The following FBXO36 variants were observed in gnomAD, a reference collection of about 807,000 sequenced individuals.
FBXO36 encodes F-box only protein 36.
In FBXO36, 18 loss-of-function variants were observed where a neutral mutation model predicts 17.0. That is an observed-to-expected ratio of 1.06 (90% CI 0.73 to 1.57). The LOEUF is 1.57. FBXO36 is among the 40% of genes most tolerant of loss of function. The pLI is 0.00. For missense variants in FBXO36, 229 were observed against 221.9 expected (o/e 1.03, Z -0.20); for synonymous variants, 83 against 85.3 (o/e 0.97, Z 0.15).
At chr2:230,010,257 A>G (rs1216003183) in intron 3 of FBXO36, among the ~76,000 whole-genome samples, 1 of 152,218 alleles carries the variant, frequency 6.6e-6, no homozygotes, top group Non-Finnish European at 1.5e-5. Flanking sequence ...GCAAAACTCC[A>G]TCTCAAAAAT....
At chr2:230,006,412 A>C (rs2077387229) in intron 3 of FBXO36, among the ~76,000 whole-genome samples, 1 of 152,136 alleles carries the variant, frequency 6.6e-6, no homozygotes, top group African/African-American at 2.4e-5. Context: ...TTCATAAGGA[A>C]GCTAAAACTC....
intron 1 of FBXO36, chr2:229,932,885 T>C (rs994089601): frequency 6.0e-6 from 2 of 335,062 alleles, no homozygotes; most frequent in African/African-American, 4.4e-5. Context: ...CTGACAAACA[T>C]GGTGAAACCC....
At chr2:229,966,982 T>C (rs192388694) in intron 1 of FBXO36, among the ~76,000 whole-genome samples, 108 of 149,070 alleles carry the variant, frequency 7.2e-4, no homozygotes, top group Admixed American at 1.1e-3. Context: ...AGTATGGCCA[T>C]TTTCACGATA....
chr2:230,010,120 G>A (rs551889031), intron 3 of FBXO36, among the ~76,000 whole-genome samples: 1 of 152,142 alleles, frequency 6.6e-6, no homozygotes, highest in Admixed American at 6.6e-5. Context: ...AATTAGCTCA[G>A]TGTGGTGGCG....
At chr2:229,948,863 T>G (rs2077040646) in intron 1 of FBXO36, among the ~76,000 whole-genome samples, 1 of 152,348 alleles carries the variant, frequency 6.6e-6, no homozygotes, top group Admixed American at 6.5e-5. Context: ...AGACGAAGTC[T>G]CATTCTGTTG....
intron 1 of FBXO36, among the ~76,000 whole-genome samples, chr2:229,948,518 GAAA>G (rs59155537): frequency 2.4e-4 from 31 of 129,234 alleles, no homozygotes; most frequent in Non-Finnish European, 2.8e-4. Context: ...GGGCTTTAGA[GAAA>G]AAAAAAAAAA....
intron 1 of FBXO36, among the ~76,000 whole-genome samples, chr2:229,975,586 C>A (rs1220416078): frequency 2.0e-5 from 3 of 151,166 alleles, no homozygotes; most frequent in African/African-American, 7.3e-5. Flanking sequence ...GGGATCCTCC[C>A]ACCTCAGCCT....
Position 229,926,323 on chromosome 2 carries a change from C to G in FBXO36, c.96+3714C>G, listed in dbSNP as rs573184401. Among the ~76,000 whole-genome samples the G allele has an allele frequency of 4.2e-4, 63 of 149,960 alleles. 2 individuals carry two copies. The South Asian group carries it at 0.013, about 30-fold the overall frequency. On this transcript the variant is annotated intron_variant, in intron 1 of 3. Transcript: ENST00000283946. ...ATGCACGCCTGTAGTCCTAGCTACT[C>G]GGGAGGCTGAGGCAGGAGAATCGCT... is the stretch of plus-strand genomic sequence containing the variant.
At chr2:229,946,307 A>G (rs866414584) in intron 1 of FBXO36, among the ~76,000 whole-genome samples, 1 of 152,092 alleles carries the variant, frequency 6.6e-6, no homozygotes, top group African/African-American at 2.4e-5. Context: ...CAACTCGCCC[A>G]TTGTCACCTC....
At position 229,996,896 on chromosome 2, in the gene FBXO36, T is replaced by C. The variant is rs774502195; in HGVS notation, c.351T>C (p.Leu117=). 8 of 1,613,926 alleles carry C rather than the reference T, an allele frequency of 5.0e-6. 1 individual carries two copies. Among genetic ancestry groups the C allele is most frequent in the South Asian group, 4.4e-5 (4 of 90,952 alleles). The part of the protein sequence containing the change: ...SYLDLEDIAR[L]CQTSHRFAKL... ...TGGATCTTGAAGATATTGCCAGGCTTTGTCAAACATCACACAGATTTGCAA... is the reference window on the plus strand; with the variant it reads ...TGGATCTTGAAGATATTGCCAGGCTCTGTCAAACATCACACAGATTTGCAA... Residue 117 remains leucine (L), a synonymous_variant, in exon 3 of 4, where the codon CTT becomes CTC. Coordinates refer to ENST00000283946, the MANE Select transcript of FBXO36 (RefSeq NM_174899.5).
intron 3 of FBXO36, among the ~76,000 whole-genome samples, chr2:229,998,185 T>C (rs1202350690): frequency 6.6e-6 from 1 of 152,232 alleles, no homozygotes; most frequent in Non-Finnish European, 1.5e-5. Context: ...TTAAAATTAA[T>C]TTTAATTCAG....
chr2:229,937,243 C>T (rs1482159514), intron 1 of FBXO36, among the ~76,000 whole-genome samples: 2 of 152,052 alleles, frequency 1.3e-5, no homozygotes, highest in East Asian at 3.9e-4. Flanking sequence ...GCTTGTAATC[C>T]CAGCACTTTA....
At chr2:229,996,700 A>C in intron 2 of FBXO36, 51 bp from the exon 3 acceptor site, 2 of 1,527,972 alleles carry the variant, frequency 1.3e-6, no homozygotes, top group Non-Finnish European at 1.8e-6. Context: ...TTGTTATTAT[A>C]ATTTTTATGT....
chr2:229,968,339 C>T (rs1397872318), intron 1 of FBXO36, among the ~76,000 whole-genome samples: 1 of 152,056 alleles, frequency 6.6e-6, no homozygotes, highest in Non-Finnish European at 1.5e-5. Flanking sequence ...TTTCATTGTA[C>T]TTTGATTGTT....
intron 1 of FBXO36, among the ~76,000 whole-genome samples, chr2:229,948,868 C>A (rs1208523121): frequency 2.0e-5 from 3 of 152,132 alleles, no homozygotes; most frequent in African/African-American, 7.2e-5. Flanking sequence ...AAGTCTCATT[C>A]TGTTGCCCAG....
chr2:230,010,628 C>A, intron 3 of FBXO36, 68 bp from the exon 4 acceptor site: 1 of 1,408,332 alleles, frequency 7.1e-7, no homozygotes, highest in Admixed American at 2.2e-5. Context: ...GTCCCACAGG[C>A]AGCAAGAGTT....
At chr2:230,002,558 A>AT (rs1021421930) in intron 3 of FBXO36, among the ~76,000 whole-genome samples, 1 of 151,668 alleles carries the variant, frequency 6.6e-6, no homozygotes, top group Non-Finnish European at 1.5e-5. Flanking sequence ...TAATTTTTGT[A>AT]TTTTTTGTAG....
At chr2:229,987,409 C>CT (rs1411558563) in intron 2 of FBXO36, among the ~76,000 whole-genome samples, 11 of 151,916 alleles carry the variant, frequency 7.2e-5, no homozygotes, top group Admixed American at 7.2e-4. Flanking sequence ...TACATTTTCT[C>CT]TAATTTTTTT....
At chr2:229,944,798 T>C (rs1047824471) in intron 1 of FBXO36, among the ~76,000 whole-genome samples, 2 of 152,040 alleles carry the variant, frequency 1.3e-5, no homozygotes, top group African/African-American at 4.8e-5. Context: ...TTTCACCATG[T>C]TAGCCAGGAT....
Sources: gnomAD v4.1 joint callset for allele counts (sites outside exome capture counted in the v4.1 genomes callset) on GRCh38, gnomAD v4.1.1 for gene constraint, MANE v1.5 for transcripts, NCBI Gene and HGNC (gene_info 2026-07-23, HGNC 2026-07-21) for gene names.